The following PSG6 variants were observed in gnomAD, a reference collection of about 807,000 sequenced individuals.
PSG6 encodes pregnancy-specific beta-1-glycoprotein 6.
PSG6 carries 51 observed loss-of-function variants against 43.3 expected under a neutral mutation model. That is an observed-to-expected ratio of 1.18 (90% CI 0.94 to 1.49). PSG6 has a LOEUF of 1.49. Ranked by LOEUF, PSG6 falls within the 40% of genes most tolerant of loss-of-function variation. PSG6 has a pLI of 0.00. For synonymous variants in PSG6, 292 were observed against 197.6 expected (o/e 1.48, Z -4.01); for missense variants, 770 against 522.2 (o/e 1.47, Z -4.62).
intron 3 of PSG6, chr19:42,910,340 G>C (rs929205047): frequency 9.4e-7 from 1 of 1,060,062 alleles, no homozygotes; most frequent in Admixed American, 2.7e-5. Flanking sequence ...ACATTCACCT[G>C]TTTCTTCCAT....
At chr19:42,905,288 T>G (rs1349394694) in intron 5 of PSG6, among the ~76,000 whole-genome samples, 1 of 151,586 alleles carries the variant, frequency 6.6e-6, no homozygotes, top group Non-Finnish European at 1.5e-5. Flanking sequence ...ATCAAAACCT[T>G]TTATATAGCC....
intron 3 of PSG6, among the ~76,000 whole-genome samples, chr19:42,909,381 G>C (rs762075561): frequency 1.3e-5 from 2 of 151,500 alleles, no homozygotes; most frequent in East Asian, 1.9e-4. Context: ...CTCAGTGTTT[G>C]TGTTGTGGCA....
At chr19:42,908,790 C>T (rs960887016) in intron 3 of PSG6, among the ~76,000 whole-genome samples, 1 of 151,690 alleles carries the variant, frequency 6.6e-6, no homozygotes, top group Non-Finnish European at 1.5e-5. Context: ...TATTTTCTTT[C>T]ATTGGACATT....
intron 5 of PSG6, 177 bp downstream of exon 5, chr19:42,906,745 A>G: frequency 1.3e-6 from 2 of 1,549,006 alleles, no homozygotes; most frequent in Non-Finnish European, 1.7e-6. Context: ...AGAAAACAGA[A>G]AAACAAGCAG....
At chr19:42,916,820 G>A (rs750826224) in intron 1 of PSG6, among the ~76,000 whole-genome samples, 1 of 151,354 alleles carries the variant, frequency 6.6e-6, no homozygotes, top group Non-Finnish European at 1.5e-5. Context: ...GGCATCCTTA[G>A]ACTTCTTTCC....
rs182667458 is a variant in PSG6 at position 42,908,872 on chromosome 19, C to T, written c.707-1018G>A. ...AGTTGATTCCAGATTGAATATGAGA[C>T]GAGGCTGCTGGAAGCCAGGAGCTGG... On this transcript the variant is annotated intron_variant, in intron 3 of 5. Transcript: ENST00000187910. 4.9e-3 allele frequency among the ~76,000 whole-genome samples: 750 copies of T among 151,624 alleles called. 12 individuals are homozygous for T. The highest frequency in any genetic ancestry group is 0.017 in the African/African-American group (705 of 41,328).
intron 3 of PSG6, 118 bp from the exon 4 acceptor site, chr19:42,907,972 C>T (rs527391688): frequency 3.2e-5 from 45 of 1,422,602 alleles, no homozygotes; most frequent in East Asian, 1.1e-4. Flanking sequence ...AAGCCAGTAG[C>T]TGGTGCATGT....
chr19:42,904,310 G>C (rs1444596873), intron 5 of PSG6, among the ~76,000 whole-genome samples: 4 of 151,664 alleles, frequency 2.6e-5, no homozygotes, highest in African/African-American at 9.7e-5. Flanking sequence ...AAAAATTAGG[G>C]AAGAATTTTT....
At position 42,917,621 on chromosome 19, in the gene PSG6, C is replaced by T. The variant is rs1395283678; in HGVS notation, c.64+108G>A. On this transcript the variant is annotated intron_variant, in intron 1 of 5. Coordinates refer to ENST00000187910, the MANE Select transcript of PSG6 (RefSeq NM_001031850.4). ...CTCGTGATCCACCCACCTCAGCCTC[C>T]CTAAGTGCTGGCTTCTTTTATTTTT... The T allele has an allele frequency of 4.2e-5, 63 of 1,505,996 alleles. 1 individual carries two copies. Among genetic ancestry groups the T allele is most frequent in the Non-Finnish European group, 5.3e-5 (58 of 1,100,186 alleles). 93.3% of individuals were successfully genotyped at this position (1,505,996 alleles called of 1,614,324 possible).
At chr19:42,910,392 T>G (rs900217056) in intron 3 of PSG6, 188 bp downstream of exon 3, 5 of 1,447,684 alleles carry the variant, frequency 3.5e-6, no homozygotes, top group Non-Finnish European at 3.8e-6. Flanking sequence ...AGGAGAAGCC[T>G]CTTCTCTCTT....
chr19:42,905,054 T>C (rs1167131977), intron 5 of PSG6, among the ~76,000 whole-genome samples: 1 of 151,576 alleles, frequency 6.6e-6, no homozygotes, highest in Non-Finnish European at 1.5e-5. Flanking sequence ...TCTCACCAAA[T>C]GATATTGGGA....
At chr19:42,906,150 C>T (rs184807208) in intron 5 of PSG6, among the ~76,000 whole-genome samples, 7 of 151,684 alleles carry the variant, frequency 4.6e-5, no homozygotes, top group African/African-American at 1.7e-4. Flanking sequence ...GTGAATCTCC[C>T]TATTTCTCTA....
At chr19:42,910,175 C>A in intron 3 of PSG6, 1 of 324,690 alleles carries the variant, frequency 3.1e-6, no homozygotes, top group Non-Finnish European at 5.9e-6. Context: ...CCAGGCCATG[C>A]GGAGCAAAGA....
Position 42,916,051 on chromosome 19 carries a change from CT to C in PSG6, c.427+73del, listed in dbSNP as rs201206612. 2.5e-3 allele frequency: 3,992 copies of C among 1,596,862 alleles called. 144 individuals are homozygous for C. The African/African-American group carries it at 0.047, about 19-fold the overall frequency. ...AGAGTGACACAGGCAGAGTCCAGGC[CT>C]GACAATTCTGTGTGTGTGAAGTAGA... On this transcript the variant is annotated intron_variant, in intron 2 of 5. Transcript: ENST00000187910.
Position 42,902,112 on chromosome 19 carries a change from C to A in PSG6, c.*300G>T. 3.2e-6 allele frequency: 1 copy of A among 308,394 alleles called. No homozygotes were observed. The highest frequency in any genetic ancestry group is 6.1e-6 in the Non-Finnish European group (1 of 163,310). The allele number at this position is 308,394 out of a possible 1,614,324, so 19.1% of individuals were successfully genotyped here. On this transcript the variant is annotated 3_prime_UTR_variant, in exon 6 of 6. Transcript: ENST00000187910. ...GAACTTGTGCAAATAACTTTATTAC[C>A]ATAAACCTATGAATACTCATGAATA...
chr19:42,906,546 G>T, intron 5 of PSG6: 3 of 1,296,258 alleles, frequency 2.3e-6, no homozygotes, highest in Non-Finnish European at 3.0e-6. Context: ...GATGTTCCTT[G>T]TAGCTCATGG....
chr19:42,917,729 C>A lies in PSG6; in HGVS notation c.64G>T (p.Ala22Ser). 1 of 1,609,802 alleles carries A rather than the reference C, an allele frequency of 6.2e-7. No homozygotes were observed. The highest frequency in any genetic ancestry group is 1.3e-5 in the African/African-American group (1 of 74,754). Residue 22 changes from alanine (A) to serine (S), a missense_variant and splice_region_variant, in exon 1 of 6, where the codon GCA (alanine) becomes TCA (serine). Transcript: ENST00000187910. The part of the protein sequence containing the change: ...HITWKGLLLT[A>S]SLLNFWNLPT... ...CTCTCCCAGGAAGTCCTCTCCTCAC[C>A]TGTGAGCAGGAGCCCCTTCCAGGTG...
At position 42,907,133 on chromosome 19, in the gene PSG6, G is replaced by T. The variant is rs759225355; in HGVS notation, c.1029C>A (p.Tyr343Ter). Residue 343 changes from tyrosine (Y) to a stop codon, truncating the protein, a stop_gained, in exon 5 of 6, where the codon TAC (tyrosine) becomes TAA (stop). Transcript: ENST00000187910. LOFTEE classifies it high-confidence loss of function. ...LPRIYPSFTYYRSGENLDLSC... is the reference protein window; with the variant it reads ...LPRIYPSFTY The stretch of plus-strand genomic sequence containing the variant: ...ACAAGTCGAGGTTTTCTCCTGAACG[G>T]TAATAGGTGAATGAAGGGTAAATTC... 2.7e-5 allele frequency: 43 copies of T among 1,612,610 alleles called. No individual in the cohort carries two copies. The highest frequency in any genetic ancestry group is 3.4e-5 in the Non-Finnish European group (40 of 1,179,246).
chr19:42,913,651 T>C (rs117976773), intron 2 of PSG6, among the ~76,000 whole-genome samples: 1,919 of 151,830 alleles, frequency 0.013, 55 homozygotes, highest in South Asian at 0.022. Context: ...TGGGCTTAAT[T>C]GCTCCTATAA....
Sources: gnomAD v4.1 joint callset for allele counts (sites outside exome capture counted in the v4.1 genomes callset) on GRCh38, gnomAD v4.1.1 for gene constraint, MANE v1.5 for transcripts, NCBI Gene and HGNC (gene_info 2026-07-23, HGNC 2026-07-21) for gene names.